The following PHACTR2 variants were observed in gnomAD, a reference collection of about 807,000 sequenced individuals.
PHACTR2 encodes phosphatase and actin regulator 2, also known as chromosome 6 open reading frame 56.
A neutral mutation model predicts 76.0 loss-of-function variants in PHACTR2; 30 were observed. The ratio of observed to expected loss-of-function variants is 0.39; its 90% CI spans 0.30 to 0.54. PHACTR2 has a LOEUF of 0.54. Among genes scored for constraint, PHACTR2 ranks in the 20% least tolerant of loss-of-function variants. The pLI, the probability that PHACTR2 is intolerant of heterozygous loss-of-function variation, is 0.61. For missense variants in PHACTR2, 696 were observed against 781.1 expected (o/e 0.89, Z 1.30); for synonymous variants, 292 against 292.5 (o/e 1.00, Z 0.02).
At position 143,773,991 on chromosome 6, in the gene PHACTR2, A is replaced by C. The variant is rs751741249; in HGVS notation, c.1433-68A>C. ...CTGGGCTCTATTTAAAGTCCATGCC[A>C]TGTGTAACCTGAGTGCCACTGGCTA... On this transcript the variant is annotated intron_variant, in intron 7 of 12. Coordinates refer to ENST00000440869, the MANE Select transcript of PHACTR2 (RefSeq NM_001100164.2). The C allele has an allele frequency of 2.2e-6, 3 of 1,372,962 alleles. No homozygotes were observed. In the African/African-American group the frequency reaches 4.3e-5, roughly 20 times the overall value. The allele number at this position is 1,372,962 out of a possible 1,614,324, so 85.0% of individuals were successfully genotyped here. A position where few individuals can be genotyped will look rare whatever the true frequency, so the allele number is the denominator to read the frequency against.
rs965473771 is a variant in PHACTR2, at chr6:143,803,835, C to T, written c.1846-3222C>T. Among the ~76,000 whole-genome samples, 1 of 152,108 alleles carries T rather than the reference C, an allele frequency of 6.6e-6. No homozygotes were observed. The highest frequency in any genetic ancestry group is 2.1e-4 in the South Asian group (1 of 4,828). ...TGTTTCCAAAGTCGATATACTAGAGCGTTGCGAAAATAAAAGCAAGATATT... is the reference window on the plus strand; with the variant it reads ...TGTTTCCAAAGTCGATATACTAGAGTGTTGCGAAAATAAAAGCAAGATATT... On this transcript the variant is annotated intron_variant, in intron 11 of 12. Coordinates refer to ENST00000440869, the MANE Select transcript of PHACTR2 (RefSeq NM_001100164.2). The surrounding 1 kb of genome is among the most constrained non-coding windows in gnomAD (Gnocchi z 4.7).
chr6:143,713,683 G>T (rs1292831993), intron 2 of PHACTR2, among the ~76,000 whole-genome samples: 3 of 152,166 alleles, frequency 2.0e-5, no homozygotes, highest in East Asian at 3.9e-4. Context: ...ACTCGGAGGT[G>T]CTTCAGTTCC....
In PHACTR2 at chr6:143,819,487, T is replaced by G. The variant is rs572603136; in HGVS notation, c.1923-4187T>G. Among the ~76,000 whole-genome samples the G allele has an allele frequency of 8.1e-4, 124 of 152,252 alleles. 1 individual carries two copies. Among genetic ancestry groups the G allele is most frequent in the African/African-American group, 2.6e-3 (108 of 41,548 alleles). On this transcript the variant is annotated intron_variant, in intron 12 of 12. Transcript: ENST00000440869. The surrounding 1 kb of genome is among the most constrained non-coding windows in gnomAD (Gnocchi z 5.0). ...GGCAATTGGCTCACATGATAATGGA[T>G]GCTGAGAAGTCCCAGAACAGGCTGT... is the stretch of plus-strand genomic sequence containing the variant.
At position 143,819,433 on chromosome 6, in the gene PHACTR2, A is replaced by C. The variant is rs1776366623; in HGVS notation, c.1923-4241A>C. Among the ~76,000 whole-genome samples, 1 of 152,190 alleles carries C rather than the reference A, an allele frequency of 6.6e-6. No homozygotes were observed. Among genetic ancestry groups the C allele is most frequent in the African/African-American group, 2.4e-5 (1 of 41,448 alleles). On this transcript the variant is annotated intron_variant, in intron 12 of 12. Transcript: ENST00000440869. This position sits in a 1 kb window ranked among gnomAD's most constrained non-coding sequence, Gnocchi z 5.0. ...GAAACAAAACCAATAAGATATATGT[A>C]TATAGATATATGAGAGGGGATTTAT... is the stretch of plus-strand genomic sequence containing the variant.
rs147643023 is a variant in PHACTR2 at position 143,647,169 on chromosome 6, T to C, written c.13+38847T>C. Among the ~76,000 whole-genome samples the C allele has an allele frequency of 1.8e-4, 27 of 152,352 alleles. No individual in the cohort carries two copies. The highest frequency in any genetic ancestry group is 5.0e-4 in the African/African-American group (21 of 41,588). On this transcript the variant is annotated intron_variant, in intron 1 of 11. Coordinates refer to the PHACTR2 transcript ENST00000305766. The surrounding 1 kb of genome is among the most constrained non-coding windows in gnomAD (Gnocchi z 4.2). ...TGATAATTGGAAATATTACAACTTA[T>C]TGCAAAGGTACTAAGTATTATCTAT...
intron 1 of PHACTR2, among the ~76,000 whole-genome samples, chr6:143,630,650 C>A (rs1044113360): frequency 6.6e-6 from 1 of 152,156 alleles, no homozygotes; most frequent in Non-Finnish European, 1.5e-5. Context: ...ACACGCTTGG[C>A]AAGGCAAAGT....
intron 6 of PHACTR2, among the ~76,000 whole-genome samples, chr6:143,771,164 A>G (rs796516259): frequency 0.031 from 926 of 30,048 alleles, 58 homozygotes; most frequent in African/African-American, 0.16. Context: ...ATATGTATAT[A>G]TATATATATG....
chr6:143,788,992 C>A, intron 11 of PHACTR2, 82 bp downstream of exon 11: 1 of 1,287,886 alleles, frequency 7.8e-7, no homozygotes, highest in African/African-American at 1.5e-5. Flanking sequence ...CTTAAGTCAT[C>A]CCAGGGGACG....
rs977374254 is a variant in PHACTR2, at chr6:143,780,711, G to A, written c.1646-2508G>A. Among the ~76,000 whole-genome samples, 2 of 152,032 alleles carry A rather than the reference G, an allele frequency of 1.3e-5. No individual in the cohort carries two copies. The highest frequency in any genetic ancestry group is 2.1e-4 in the South Asian group (1 of 4,812). The stretch of plus-strand genomic sequence containing the variant: ...CACATGTATTATTTGTTTATTTATC[G>A]GAAATGCTTCTTGCGGGTCGTCCGA... On this transcript the variant is annotated intron_variant, in intron 9 of 12. Coordinates refer to ENST00000440869, the MANE Select transcript of PHACTR2 (RefSeq NM_001100164.2). The surrounding 1 kb of genome is among the most constrained non-coding windows in gnomAD (Gnocchi z 4.4).
At chr6:143,810,266 ACTTT>A (rs1482152863) in intron 12 of PHACTR2, among the ~76,000 whole-genome samples, 1 of 152,150 alleles carries the variant, frequency 6.6e-6, no homozygotes, top group Non-Finnish European at 1.5e-5. Context: ...TGTTGCCTTG[ACTTT>A]CTTTATGCAT....
At chr6:143,573,668 A>G (rs1040913514) in intron 1 of PHACTR2, among the ~76,000 whole-genome samples, 5 of 151,536 alleles carry the variant, frequency 3.3e-5, no homozygotes, top group Non-Finnish European at 5.9e-5. Flanking sequence ...GCATTCTATC[A>G]TGTTATTTGT....
At position 143,820,034 on chromosome 6, in the gene PHACTR2, TGGA is replaced by T. The variant is rs928870751; in HGVS notation, c.1923-3635_1923-3633del. 1.3e-5 allele frequency among the ~76,000 whole-genome samples: 2 copies of T among 151,184 alleles called. No individual in the cohort carries two copies. Among genetic ancestry groups the T allele is most frequent in the Non-Finnish European group, 2.9e-5 (2 of 67,824 alleles). ...CACATGGCAAGAATGGGAGAAAGAG[TGGA>T]GGAGAAGTGCCCCACACTTTTAAAC... On this transcript the variant is annotated intron_variant, in intron 12 of 12. Coordinates refer to ENST00000440869, the MANE Select transcript of PHACTR2 (RefSeq NM_001100164.2). The surrounding 1 kb of genome is among the most constrained non-coding windows in gnomAD (Gnocchi z 4.2).
chr6:143,724,891 G>A (rs1778524734), intron 2 of PHACTR2, among the ~76,000 whole-genome samples: 1 of 152,206 alleles, frequency 6.6e-6, no homozygotes, highest in African/African-American at 2.4e-5. Flanking sequence ...TATTCATTCT[G>A]ACAGCTCCAG....
In PHACTR2 at chr6:143,743,326, G is replaced by GAAAAATGGTTCGCTGGGACGGGTTGT. The variant is rs1778985720; in HGVS notation, c.215-5655_215-5630dup. Among the ~76,000 whole-genome samples, 5 of 152,202 alleles carry GAAAAATGGTTCGCTGGGACGGGTTGT rather than the reference G, an allele frequency of 3.3e-5. No individual in the cohort carries two copies. The highest frequency in any genetic ancestry group is 3.3e-4 in the Admixed American group (5 of 15,278). On this transcript the variant is annotated intron_variant, in intron 2 of 12. Transcript: ENST00000440869. The surrounding 1 kb of genome is among the most constrained non-coding windows in gnomAD (Gnocchi z 5.0). The stretch of plus-strand genomic sequence containing the variant: ...AAAAGAGATGGAAGGAAAGTGATGG[G>GAAAAATGGTTCGCTGGGACGGGTTGT]AAAAATGGTTCGCTGGGACGGGTTG...
At chr6:143,746,539 T>C (rs1053783160) in intron 2 of PHACTR2, among the ~76,000 whole-genome samples, 2 of 152,138 alleles carry the variant, frequency 1.3e-5, no homozygotes, top group Non-Finnish European at 2.9e-5. Context: ...GCCGTGAATC[T>C]CTGGGCCTGT....
At chr6:143,650,607 G>A (rs973950940) in intron 1 of PHACTR2, among the ~76,000 whole-genome samples, 7 of 152,288 alleles carry the variant, frequency 4.6e-5, no homozygotes, top group Admixed American at 1.3e-4. Context: ...AATAAATGGT[G>A]CTGGGAGAAC....
chr6:143,675,979 T>C (rs754254886), upstream of PHACTR2, among the ~76,000 whole-genome samples: 6 of 152,242 alleles, frequency 3.9e-5, no homozygotes, highest in Non-Finnish European at 5.9e-5. This position sits in a 1 kb window ranked among gnomAD's most constrained non-coding sequence, Gnocchi z 4.9. Context: ...TGTTCATTAG[T>C]ATAACTTGTT....
At chr6:143,814,364 T>C (rs577300423) in intron 12 of PHACTR2, among the ~76,000 whole-genome samples, 13 of 152,172 alleles carry the variant, frequency 8.5e-5, no homozygotes, top group Non-Finnish European at 1.6e-4. Flanking sequence ...TAATAAATCA[T>C]AAGGAAGAGA....
At position 143,561,941 on chromosome 6, in the gene PHACTR2, A is replaced by G. The variant is rs536026760; in HGVS notation, c.217+24734A>G. 6.6e-6 allele frequency: 1 copy of G among 152,270 alleles called. No individual in the cohort carries two copies. Among genetic ancestry groups the G allele is most frequent in the East Asian group, 1.9e-4 (1 of 5,180 alleles). 9.4% of individuals were successfully genotyped at this position (152,270 alleles called of 1,614,324 possible). A position where few individuals can be genotyped will look rare whatever the true frequency, so the allele number is the denominator to read the frequency against. On this transcript the variant is annotated intron_variant, in intron 1 of 11. Coordinates refer to the PHACTR2 transcript ENST00000367584. The surrounding 1 kb of genome is among the most constrained non-coding windows in gnomAD (Gnocchi z 4.1). ...GCCTTCGGTTACTCTCTGTTCTCCA[A>G]ATACATCCTCTCTTTTTGCCCCATG...
Sources: gnomAD v4.1 joint callset for allele counts (sites outside exome capture counted in the v4.1 genomes callset) on GRCh38, gnomAD v4.1.1 for gene constraint, Gnocchi (gnomAD v3.1) non-coding constraint, MANE v1.5 for transcripts, NCBI Gene and HGNC (gene_info 2026-07-23, HGNC 2026-07-21) for gene names.